ATP11C: variants seen among roughly 807,000 people sequenced by gnomAD.
The protein encoded by ATP11C is phospholipid-transporting ATPase IG.
Under a neutral mutation model 97.4 loss-of-function variants are expected in ATP11C, and 36 were observed. The observed-to-expected ratio is 0.37, with a 90% CI of 0.28 to 0.49. The LOEUF is 0.49. ATP11C is among the 20% of genes least tolerant of loss of function. The probability of loss-of-function intolerance (pLI) is 0.98; values close to 1 mark genes in which losing one functional copy is unlikely to be tolerated. For synonymous variants in ATP11C, 275 were observed against 290.9 expected (o/e 0.95, Z 0.56); for missense variants, 730 against 824.6 (o/e 0.89, Z 1.40).
intron 1 of ATP11C, among the ~76,000 whole-genome samples, chrX:139,884,269 T>C (rs1444953761): frequency 9.0e-6 from 1 of 111,475 alleles, no homozygotes; most frequent in Admixed American, 9.6e-5. Flanking sequence ...TCTTGGGCCC[T>C]GCTTGTAAGA....
chrX:139,762,472 C>T (rs141813548), intron 21 of ATP11C, among the ~76,000 whole-genome samples: 34 of 110,895 alleles, frequency 3.1e-4, no homozygotes, highest in Middle Eastern at 4.7e-3. Flanking sequence ...AACTCAGAAA[C>T]CTGGGGTTTG....
chrX:139,866,343 C>CAAAAAAAAAAAAAAAAAAAAAAA (rs57250412), intron 1 of ATP11C, among the ~76,000 whole-genome samples: 5 of 27,550 alleles, frequency 1.8e-4, no homozygotes, highest in East Asian at 2.3e-3. Context: ...GACTCTGTCT[C>CAAAAAAAAAAAAAAAAAAAAAAA]AAAAAAAAAA....
chrX:139,742,299 G>A (rs1015276223), intron 26 of ATP11C, among the ~76,000 whole-genome samples: 8 of 111,767 alleles, frequency 7.2e-5, no homozygotes, highest in Admixed American at 3.8e-4. Context: ...CTTCTATCTC[G>A]ATTTTATAGA....
intron 20 of ATP11C, among the ~76,000 whole-genome samples, chrX:139,767,629 T>C (rs866839017): frequency 6.5e-4 from 73 of 111,559 alleles, no homozygotes; most frequent in African/African-American, 2.3e-3. Flanking sequence ...GGCACACATT[T>C]ATCAATGGGA....
chrX:139,738,181 T>A, intron 27 of ATP11C, 112 bp from the exon 28 acceptor site: 1 of 527,535 alleles, frequency 1.9e-6, no homozygotes, highest in Non-Finnish European at 2.7e-6. Context: ...TTACATACAT[T>A]AATAAAAATA....
intron 2 of ATP11C, among the ~76,000 whole-genome samples, chrX:139,825,112 A>G (rs765329495): frequency 1.3e-4 from 15 of 111,368 alleles, no homozygotes; most frequent in Non-Finnish European, 2.4e-4. Context: ...CACTATTGTA[A>G]TAATAATCAC....
At chrX:139,731,572 G>C in intron 29 of ATP11C, 79 bp downstream of exon 29, 1 of 545,941 alleles carries the variant, frequency 1.8e-6, no homozygotes, top group Non-Finnish European at 2.8e-6. Context: ...AAAATTTAGA[G>C]AGTGATATTT....
At chrX:139,835,288 C>T (rs2083730014) in intron 1 of ATP11C, among the ~76,000 whole-genome samples, 1 of 111,868 alleles carries the variant, frequency 8.9e-6, no homozygotes, top group African/African-American at 3.3e-5. Flanking sequence ...TCCTAATAGC[C>T]TTCTACCATC....
At chrX:139,747,472 G>C (rs1014902265) in intron 24 of ATP11C, among the ~76,000 whole-genome samples, 7 of 111,486 alleles carry the variant, frequency 6.3e-5, no homozygotes, top group Non-Finnish European at 1.3e-4. Flanking sequence ...GGGAGAGGTT[G>C]ATGAGCAGCA....
chrX:139,926,345 T>G (rs1374849753), intron 1 of ATP11C, among the ~76,000 whole-genome samples: 3 of 111,721 alleles, frequency 2.7e-5, no homozygotes, highest in Non-Finnish European at 5.6e-5. Context: ...TCACCCTCTT[T>G]GAGAGAACTG....
intron 27 of ATP11C, 61 bp from the exon 28 acceptor site, chrX:139,738,130 C>T (rs2081482747): frequency 1.0e-6 from 1 of 957,526 alleles, no homozygotes; most frequent in Non-Finnish European, 1.4e-6. Flanking sequence ...ATGAAATGGA[C>T]ATTTAATTAA....
At chrX:139,904,347 G>A (rs1420120718) in intron 1 of ATP11C, among the ~76,000 whole-genome samples, 1 of 109,838 alleles carries the variant, frequency 9.1e-6, no homozygotes, top group East Asian at 2.9e-4. Flanking sequence ...GGCCAACATG[G>A]TGAAACCCCA....
At position 139,802,093 on chromosome X, in the gene ATP11C, T is replaced by C. The variant is rs144573236; in HGVS notation, c.659+143A>G. 1,174 of 471,514 alleles carry C rather than the reference T, an allele frequency of 2.5e-3. 10 individuals carry two copies. The African/African-American group carries it at 0.025, about 10-fold the overall frequency. 38.9% of individuals were successfully genotyped at this position (471,514 alleles called of 1,213,427 possible). ...TAGTGAACAAGGCTGATTTGATTCA[T>C]TTTTCTGCCAGAAGGAAGGAATCGC... On this transcript the variant is annotated intron_variant, in intron 7 of 29. Transcript: ENST00000682941.
intron 23 of ATP11C, among the ~76,000 whole-genome samples, chrX:139,750,781 C>T (rs1192692873): frequency 9.0e-6 from 1 of 111,052 alleles, no homozygotes; most frequent in Non-Finnish European, 1.9e-5. Flanking sequence ...ACTTGGCATA[C>T]AAAAACAATC....
chrX:139,817,181 T>G (rs1000409164), intron 3 of ATP11C, among the ~76,000 whole-genome samples: 2 of 112,312 alleles, frequency 1.8e-5, no homozygotes, highest in African/African-American at 6.5e-5. Flanking sequence ...TTGAAATATA[T>G]CCATTCACTT....
At chrX:139,926,904 C>A (rs1354268748) in intron 1 of ATP11C, among the ~76,000 whole-genome samples, 1 of 112,135 alleles carries the variant, frequency 8.9e-6, no homozygotes, top group African/African-American at 3.2e-5. Flanking sequence ...GTGGGGTCAG[C>A]CTAGCATCTA....
At chrX:139,742,442 C>T (rs762109469) in intron 26 of ATP11C, among the ~76,000 whole-genome samples, 2 of 111,293 alleles carry the variant, frequency 1.8e-5, no homozygotes, top group South Asian at 7.6e-4. Context: ...ATAAAGCAAA[C>T]ATATGTTAGC....
At chrX:139,785,908 T>C (rs1376768877) in intron 15 of ATP11C, among the ~76,000 whole-genome samples, 1 of 111,335 alleles carries the variant, frequency 9.0e-6, no homozygotes, top group African/African-American at 3.3e-5. Context: ...GGCCATGGCA[T>C]TCTGAGTAGA....
At chrX:139,837,722 G>C (rs1326432564) in intron 1 of ATP11C, among the ~76,000 whole-genome samples, 3 of 112,065 alleles carry the variant, frequency 2.7e-5, no homozygotes, top group Non-Finnish European at 5.6e-5. Flanking sequence ...TATTAATGAG[G>C]ACTGATAGAC....
Sources: allele counts gnomAD v4.1 joint callset (sites outside exome capture counted in the v4.1 genomes callset), GRCh38; gene constraint gnomAD v4.1.1; transcripts MANE v1.5; gene names NCBI Gene and HGNC (gene_info 2026-07-23, HGNC 2026-07-21).